The following PDZD7 variants were observed in gnomAD, a reference collection of about 807,000 sequenced individuals.
PDZD7 encodes PDZ domain-containing protein 7.
In PDZD7, 72 loss-of-function variants were observed where a neutral mutation model predicts 84.7. The ratio of observed to expected loss-of-function variants is 0.85; its 90% CI spans 0.70 to 1.03. The LOEUF (loss-of-function observed/expected upper bound fraction) is 1.03. Ranked by LOEUF, PDZD7 falls within the 50% of genes least tolerant of loss-of-function variation. The pLI is 0.00. For synonymous variants in PDZD7, 594 were observed against 580.7 expected, an observed-to-expected ratio of 1.02 and a Z score of -0.33; for missense variants, 1,490 against 1,412.9, an observed-to-expected ratio of 1.05 and a Z score of -0.87.
chr10:101,024,091 ATGCCCC>A, intron 2 of PDZD7, 23 bp from the exon 3 acceptor site: 1 of 1,614,154 alleles, frequency 6.2e-7, no homozygotes, highest in African/African-American at 1.3e-5. Flanking sequence ...GGATTTAGGG[ATGCCCC>A]CATGTTCATT....
chr10:101,011,518 A>AC, intron 14 of PDZD7, 172 bp downstream of exon 14: 1 of 1,434,254 alleles, frequency 7.0e-7, no homozygotes, highest in African/African-American at 1.4e-5. Context: ...ACAGGTGGTG[A>AC]CCAGCAGATG....
rs1382819438 is a variant in PDZD7 at position 101,010,261 on chromosome 10, C to T, written c.2617+11G>A. Reference sequence around the variant, plus strand: ...GTGTCCTCTGCCGGGCCCAGTCCCACGTGGACTCACCTAAGGACTGCTTCA... The same window carrying T: ...GTGTCCTCTGCCGGGCCCAGTCCCATGTGGACTCACCTAAGGACTGCTTCA... On this transcript the variant is annotated intron_variant, in intron 15 of 16. Transcript: ENST00000619208. The T allele has an allele frequency of 5.3e-6, 8 of 1,511,646 alleles. No homozygotes were observed. The African/African-American group carries it at 5.5e-5, about 10-fold the overall frequency. 93.6% of individuals were successfully genotyped at this position (1,511,646 alleles called of 1,614,324 possible).
At chr10:101,015,499 G>A in intron 11 of PDZD7, 137 bp downstream of exon 11, 1 of 963,460 alleles carries the variant, frequency 1.0e-6, no homozygotes, top group Non-Finnish European at 1.5e-6. Context: ...TGTGACAGGA[G>A]TGACTTCTGA....
intron 16 of PDZD7, among the ~76,000 whole-genome samples, 166 bp downstream of exon 16, chr10:101,009,083 GT>G (rs1852308860): frequency 6.6e-6 from 1 of 152,116 alleles, no homozygotes; most frequent in South Asian, 2.1e-4. Flanking sequence ...AGGGGACAGA[GT>G]TTTCCCTGGG....
rs1852420179 is a variant in PDZD7 at position 101,012,206 on chromosome 10, A to C, written c.1802T>G (p.Leu601Arg). 6.5e-7 allele frequency: 1 copy of C among 1,550,322 alleles called. No individual in the cohort carries two copies. Among genetic ancestry groups the C allele is most frequent in the Non-Finnish European group, 8.7e-7 (1 of 1,146,990 alleles). ...CAGTAGCAGCTTCTCCGGCCTGTCG[A>C]GGATGGCCAGCAGGGGCCTCACCAG... ...EDLVRPLLAI[L>R]DRPEKLLLLQ... Residue 601 changes from leucine to arginine, a missense_variant, in exon 12 of 17, where the codon CTC becomes CGC. By Grantham distance (102) the Leu-to-Arg change is moderately radical. Transcript: ENST00000619208.
chr10:101,014,880 C>T (rs1033944597), intron 11 of PDZD7, among the ~76,000 whole-genome samples: 2 of 152,228 alleles, frequency 1.3e-5, no homozygotes, highest in African/African-American at 4.8e-5. Flanking sequence ...CCCCCCAGCT[C>T]GCCCTCACAC....
At chr10:101,018,342 A>T in intron 8 of PDZD7, 46 bp from the exon 9 acceptor site, 8 of 1,517,540 alleles carry the variant, frequency 5.3e-6, no homozygotes, top group Non-Finnish European at 6.4e-6. Context: ...GGTGGGCAGA[A>T]GGGAAGGACG....
chr10:101,008,549 A>G lies in PDZD7; in HGVS notation c.3020T>C (p.Leu1007Pro). 3 of 1,535,268 alleles carry G rather than the reference A, an allele frequency of 2.0e-6. No homozygotes were observed. The highest frequency in any genetic ancestry group is 2.6e-6 in the Non-Finnish European group (3 of 1,146,712). The change falls in exon 17 of 17, where the codon CTC (leucine) becomes CCC (proline). Residue 1007 changes from leucine (L) to proline (P), a missense_variant. Coordinates refer to ENST00000619208, the MANE Select transcript of PDZD7 (RefSeq NM_001195263.2). The part of the protein sequence containing the change: ...PQTPPTDARL[L>P]QPTPSPAPSP... Reference sequence around the variant, plus strand: ...GGGGGCTGGGCTGGGAGTTGGCTGGAGGAGCCTGGCATCAGTGGGAGGAGT... The same window carrying G: ...GGGGGCTGGGCTGGGAGTTGGCTGGGGGAGCCTGGCATCAGTGGGAGGAGT...
chr10:101,023,915 G>A lies in PDZD7; in HGVS notation c.367+13C>T. ...ATCCTAAGCGTGGACTTCAGCCTGG[G>A]GGTTCTGCTTACCTGCACTGCTGCC... On this transcript the variant is annotated intron_variant, in intron 3 of 16. Coordinates refer to ENST00000619208, the MANE Select transcript of PDZD7 (RefSeq NM_001195263.2). 1 of 1,614,216 alleles carries A rather than the reference G, an allele frequency of 6.2e-7. No individual in the cohort carries two copies. The highest frequency in any genetic ancestry group is 8.5e-7 in the Non-Finnish European group (1 of 1,180,028).
intron 9 of PDZD7, 186 bp downstream of exon 9, chr10:101,017,913 A>AAAAG (rs370509900): frequency 9.1e-6 from 4 of 440,664 alleles, no homozygotes; most frequent in African/African-American, 6.8e-5. Flanking sequence ...AGAAAGAAAG[A>AAAAG]AAAGAAAGAA....
rs904143675 is a variant in PDZD7 at position 101,021,679 on chromosome 10, T to C, written c.867+119A>G. ...TCAAAACAGGGATGAGAACAATGCC[T>C]GTCTACCTTCTAGTGGCTGTGGGAA... On this transcript the variant is annotated intron_variant, in intron 6 of 16. Transcript: ENST00000619208. 3 of 1,465,754 alleles carry C rather than the reference T, an allele frequency of 2.0e-6. No individual in the cohort carries two copies. The African/African-American group carries it at 4.2e-5, about 20-fold the overall frequency. The allele number at this position is 1,465,754 out of a possible 1,614,324, so 90.8% of individuals were successfully genotyped here. A position where few individuals can be genotyped will look rare whatever the true frequency, so the allele number is the denominator to read the frequency against.
intron 11 of PDZD7, among the ~76,000 whole-genome samples, 164 bp downstream of exon 11, chr10:101,015,464 ATGTGTGTG>A (rs10579208): frequency 6.0e-5 from 9 of 149,742 alleles, no homozygotes; most frequent in South Asian, 2.1e-4. Flanking sequence ...GAGCTGGCAG[ATGTGTGTG>A]TGTGTGTGTG....
chr10:101,023,965 G>A lies in PDZD7; in HGVS notation c.330C>T (p.Gly110=). The part of the protein sequence containing the change: ...SVRGGSEHGL[G]IFVSKVEEGS... ...CTTCCTCCACTTTGCTGACGAAGATGCCCAGGCCATGCTCTGAGCCCCCGC... is the reference window on the plus strand; with the variant it reads ...CTTCCTCCACTTTGCTGACGAAGATACCCAGGCCATGCTCTGAGCCCCCGC... Residue 110 remains glycine, a synonymous_variant, in exon 3 of 17, where the codon GGC becomes GGT. Transcript: ENST00000619208. 3 of 1,614,244 alleles carry A rather than the reference G, an allele frequency of 1.9e-6. No homozygotes were observed. Among genetic ancestry groups the A allele is most frequent in the Non-Finnish European group, 2.5e-6 (3 of 1,180,044 alleles).
chr10:101,007,790 A>G lies in PDZD7; in HGVS notation c.*677T>C, dbSNP rs911293133. On this transcript the variant is annotated 3_prime_UTR_variant, in exon 17 of 17. Transcript: ENST00000619208. ...ATTTTTCACACTGTAAATTTCTTGT[A>G]CAAACCCAAAGAAAAAATTAAAAAA... The G allele has an allele frequency of 2.3e-6, 1 of 427,172 alleles. No homozygotes were observed. The highest frequency in any genetic ancestry group is 2.2e-5 in the African/African-American group (1 of 46,258). The allele number at this position is 427,172 out of a possible 1,614,324, so 26.5% of individuals were successfully genotyped here.
Position 101,023,932 on chromosome 10 carries a change from A to C in PDZD7, c.363T>G (p.Ser121Arg). 1 of 1,614,220 alleles carries C rather than the reference A, an allele frequency of 6.2e-7. No individual in the cohort carries two copies. The highest frequency in any genetic ancestry group is 8.5e-7 in the Non-Finnish European group (1 of 1,180,020). The stretch of plus-strand genomic sequence containing the variant: ...CAGCCTGGGGGTTCTGCTTACCTGC[A>C]CTGCTGCCTTCCTCCACTTTGCTGA... ...IFVSKVEEGSSAERAGLCVGD... is the reference protein window; with the variant it reads ...IFVSKVEEGSRAERAGLCVGD... The change falls in exon 3 of 17, where the codon AGT becomes AGG. Residue 121 changes from serine (S) to arginine (R), a missense_variant. Physicochemically the swap from Ser to Arg is moderately radical, Grantham distance 110. Coordinates refer to ENST00000619208, the MANE Select transcript of PDZD7 (RefSeq NM_001195263.2).
At position 101,022,324 on chromosome 10, in the gene PDZD7, T is replaced by G. The variant is rs1356656473; in HGVS notation, c.604A>C (p.Ser202Arg). 1 of 1,614,214 alleles carries G rather than the reference T, an allele frequency of 6.2e-7. No homozygotes were observed. The highest frequency in any genetic ancestry group is 8.5e-7 in the Non-Finnish European group (1 of 1,180,050). The part of the protein sequence containing the change: ...EKCGSTPSDT[S>R]SEDGVRRIVH... ...ATGCGCCGGACACCATCTTCTGAGCTGGTGTCGGAGGGTGTTGAACCGCAC... is the reference window on the plus strand; with the variant it reads ...ATGCGCCGGACACCATCTTCTGAGCGGGTGTCGGAGGGTGTTGAACCGCAC... The change falls in exon 5 of 17, where the codon AGC becomes CGC. Residue 202 changes from serine to arginine, a missense_variant. Physicochemically the swap from Ser to Arg is moderately radical, Grantham distance 110 (BLOSUM62 -1). Coordinates refer to ENST00000619208, the MANE Select transcript of PDZD7 (RefSeq NM_001195263.2).
At chr10:101,026,539 C>T (rs1452713251) in intron 2 of PDZD7, among the ~76,000 whole-genome samples, 1 of 151,898 alleles carries the variant, frequency 6.6e-6, no homozygotes, top group Middle Eastern at 3.4e-3. Context: ...CAGCTGTGGG[C>T]CCTTGAGGAG....
At chr10:101,028,991 G>T (rs1267800684) in intron 2 of PDZD7, among the ~76,000 whole-genome samples, 1 of 152,242 alleles carries the variant, frequency 6.6e-6, no homozygotes, top group Non-Finnish European at 1.5e-5. Context: ...CTGGGTCAGA[G>T]GGGGAGGAGC....
chr10:101,011,490 C>A, intron 14 of PDZD7, 200 bp downstream of exon 14: 1 of 1,383,144 alleles, frequency 7.2e-7, no homozygotes. Flanking sequence ...GGTTTCAAAC[C>A]AACTATTAAG....
Sources: gnomAD v4.1 joint callset for allele counts (sites outside exome capture counted in the v4.1 genomes callset) on GRCh38, gnomAD v4.1.1 for gene constraint, MANE v1.5 for transcripts, NCBI Gene and HGNC (gene_info 2026-07-23, HGNC 2026-07-21) for gene names.